The following CPQ variants were observed in gnomAD, a reference collection of about 807,000 sequenced individuals.
CPQ encodes the protein carboxypeptidase Q.
In CPQ, 37 loss-of-function variants were observed where a neutral mutation model predicts 45.7. The observed-to-expected ratio is 0.81, with a 90% confidence interval of 0.62 to 1.07. The LOEUF (loss-of-function observed/expected upper bound fraction) is 1.07, where lower values mean the gene tolerates loss of function less well. Among genes scored for constraint, CPQ ranks in the 50% least tolerant of loss-of-function variants. CPQ has a pLI of 0.00. For synonymous variants in CPQ, 186 were observed against 205.8 expected (o/e 0.90, Z 0.82); for missense variants, 537 against 572.9 (o/e 0.94, Z 0.64).
At chr8:96,931,315 T>C (rs113903739) in intron 4 of CPQ, among the ~76,000 whole-genome samples, 23 of 152,374 alleles carry the variant, frequency 1.5e-4, no homozygotes, top group African/African-American at 5.0e-4. Context: ...GACAAGTATG[T>C]GTTTTCCTTA....
chr8:96,904,091 T>C (rs1812546248), intron 4 of CPQ, among the ~76,000 whole-genome samples: 1 of 152,132 alleles, frequency 6.6e-6, no homozygotes, highest in South Asian at 2.1e-4. Context: ...CTGAATATGG[T>C]GACCTCACAG....
At chr8:96,804,416 TTTTG>T (rs1811050033) in intron 2 of CPQ, among the ~76,000 whole-genome samples, 1 of 152,164 alleles carries the variant, frequency 6.6e-6, no homozygotes, top group African/African-American at 2.4e-5. Flanking sequence ...GAGTTTTAAT[TTTTG>T]TTGCTAACTA....
Position 97,134,962 on chromosome 8 carries a change from C to CTGAT in CPQ, c.1256-8056_1256-8053dup, listed in dbSNP as rs573969755. ...TCTGTAGCATCATCTTCATGTAGTACTGATTAACTAGTCTTAGTTATTGCT... is the reference window on the plus strand; with the variant it reads ...TCTGTAGCATCATCTTCATGTAGTACTGATTGATTAACTAGTCTTAGTTATTGCT... On this transcript the variant is annotated intron_variant, in intron 7 of 7. Transcript: ENST00000220763. Among the ~76,000 whole-genome samples, 224 of 152,262 alleles carry CTGAT rather than the reference C, an allele frequency of 1.5e-3. 1 individual carries two copies. The highest frequency in any genetic ancestry group is 5.2e-3 in the African/African-American group (215 of 41,540).
chr8:96,914,992 A>C (rs1388868566), intron 4 of CPQ, among the ~76,000 whole-genome samples: 1 of 152,164 alleles, frequency 6.6e-6, no homozygotes, highest in Non-Finnish European at 1.5e-5. Context: ...ATCAGAGGGA[A>C]ATCTTCTAAG....
chr8:96,965,944 G>A lies in CPQ; in HGVS notation c.859G>A (p.Val287Ile), dbSNP rs142184192. Residue 287 changes from valine to isoleucine, a missense_variant, in exon 5 of 8, where the codon GTC (valine) becomes ATC (isoleucine). By Grantham distance (29) the Val-to-Ile change is conservative. Transcript: ENST00000220763. Reference protein sequence around the residue: ...GSKYPEQVVLVSGHLDSWDVG... With the variant: ...GSKYPEQVVLISGHLDSWDVG... Reference sequence around the variant, plus strand: ...TTATTATTTGTTCTAGGTTGTACTGGTCAGTGGACATCTGGACAGCTGGGA... The same window carrying A: ...TTATTATTTGTTCTAGGTTGTACTGATCAGTGGACATCTGGACAGCTGGGA... The A allele has an allele frequency of 5.3e-4, 854 of 1,611,534 alleles. 1 individual carries two copies. The highest frequency in any genetic ancestry group is 7.6e-4 in the Admixed American group (45 of 59,478).
chr8:97,082,924 G>C (rs1455152184), intron 7 of CPQ, among the ~76,000 whole-genome samples: 1 of 152,118 alleles, frequency 6.6e-6, no homozygotes, highest in African/African-American at 2.4e-5. Flanking sequence ...AAGGCAATGA[G>C]GTAAAACAAC....
At chr8:96,970,071 GA>G (rs1055069725) in intron 5 of CPQ, among the ~76,000 whole-genome samples, 129 of 152,272 alleles carry the variant, frequency 8.5e-4, no homozygotes, top group Non-Finnish European at 1.6e-3. Flanking sequence ...TTCTCTCTTA[GA>G]AATGGGGACC....
intron 1 of CPQ, among the ~76,000 whole-genome samples, chr8:96,717,908 G>C (rs555527940): frequency 6.6e-6 from 1 of 152,178 alleles, no homozygotes; most frequent in Non-Finnish European, 1.5e-5. Flanking sequence ...GGGAGTAGCA[G>C]GTGACAGTAA....
chr8:97,122,969 A>AAT (rs1249485993), intron 7 of CPQ, among the ~76,000 whole-genome samples: 876 of 79,032 alleles, frequency 0.011, 117 homozygotes, highest in Admixed American at 0.025. Context: ...AATAAAATAA[A>AAT]ATAAAATAAA....
At chr8:96,874,952 A>G (rs1001828996) in intron 3 of CPQ, among the ~76,000 whole-genome samples, 14 of 151,870 alleles carry the variant, frequency 9.2e-5, no homozygotes, top group Admixed American at 8.5e-4. Context: ...TTCACATGCA[A>G]TGTACAAGGA....
intron 1 of CPQ, among the ~76,000 whole-genome samples, chr8:96,667,391 T>A (rs2514770): frequency 3.4e-5 from 5 of 148,868 alleles, no homozygotes; most frequent in African/African-American, 1.2e-4. Context: ...CACTGTCACC[T>A]GGGCTGAAGT....
intron 7 of CPQ, among the ~76,000 whole-genome samples, chr8:97,106,355 G>A (rs1230326729): frequency 2.6e-5 from 4 of 152,314 alleles, no homozygotes; most frequent in South Asian, 2.1e-4. Flanking sequence ...GTGATAGACT[G>A]CAAGTTCTTA....
At chr8:96,879,731 G>C (rs904115684) in intron 3 of CPQ, 67 bp from the exon 4 acceptor site, 1 of 1,121,032 alleles carries the variant, frequency 8.9e-7, no homozygotes, top group African/African-American at 1.5e-5. Context: ...CAATATACAG[G>C]TGCTTTCAAA....
At position 96,880,011 on chromosome 8, in the gene CPQ, T is replaced by A; in HGVS notation, c.849+6T>A. Reference sequence around the variant, plus strand: ...GGAGCAAATATCCAGAACAGGTGAGTGAAGGAGAAGGCTGGCCTAAGAATA... The same window carrying A: ...GGAGCAAATATCCAGAACAGGTGAGAGAAGGAGAAGGCTGGCCTAAGAATA... On this transcript the variant is annotated splice_donor_region_variant and intron_variant, in intron 4 of 7. Transcript: ENST00000220763. The A allele has an allele frequency of 6.2e-7, 1 of 1,610,598 alleles. No homozygotes were observed. The highest frequency in any genetic ancestry group is 2.2e-5 in the East Asian group (1 of 44,828).
chr8:96,647,295 G>C (rs1266050752), intron 1 of CPQ, among the ~76,000 whole-genome samples: 1 of 152,114 alleles, frequency 6.6e-6, no homozygotes, highest in Non-Finnish European at 1.5e-5. Context: ...ATGTTGCTTG[G>C]TGAAAAGGGC....
chr8:96,702,119 C>T (rs1022421582), intron 1 of CPQ, among the ~76,000 whole-genome samples: 1 of 152,144 alleles, frequency 6.6e-6, no homozygotes, highest in African/African-American at 2.4e-5. Context: ...TGCAGAACTG[C>T]GGGGTTAACA....
intron 5 of CPQ, among the ~76,000 whole-genome samples, chr8:96,984,362 G>C (rs1813966223): frequency 6.6e-6 from 1 of 152,128 alleles, no homozygotes; most frequent in Admixed American, 6.6e-5. Flanking sequence ...AACAGTGTGG[G>C]GAGGTGAAGT....
chr8:96,750,794 C>T (rs934249958), intron 1 of CPQ, among the ~76,000 whole-genome samples: 3 of 152,012 alleles, frequency 2.0e-5, no homozygotes, highest in African/African-American at 7.2e-5. Context: ...CCCTGAACCG[C>T]TCTCCCAATA....
At chr8:96,804,031 TG>T (rs1340728163) in intron 2 of CPQ, among the ~76,000 whole-genome samples, 2 of 152,108 alleles carry the variant, frequency 1.3e-5, no homozygotes, top group African/African-American at 2.4e-5. Context: ...TAATTCTGTT[TG>T]GGGGTTGAAC....
Sources: allele counts gnomAD v4.1 joint callset (sites outside exome capture counted in the v4.1 genomes callset), GRCh38; gene constraint gnomAD v4.1.1; transcripts MANE v1.5; gene names NCBI Gene and HGNC (gene_info 2026-07-23, HGNC 2026-07-21).